The following MYOM3 variants were observed in gnomAD, a reference collection of about 807,000 sequenced individuals.
MYOM3 encodes the protein myomesin 3, also known as myomesin-3.
In MYOM3, 155 loss-of-function variants were observed where a neutral mutation model predicts 191.7. The observed-to-expected ratio is 0.81, with a 90% CI of 0.71 to 0.92. The LOEUF is 0.92. Ranked by LOEUF, MYOM3 falls within the 40% of genes least tolerant of loss-of-function variation. The pLI is 0.00. For synonymous variants in MYOM3, 757 were observed against 762.9 expected (o/e 0.99, Z 0.13); for missense variants, 1,889 against 1,890.6 (o/e 1.00, Z 0.02).
intron 35 of MYOM3, 134 bp downstream of exon 35, chr1:24,060,926 G>T: frequency 1.0e-5 from 10 of 967,600 alleles, no homozygotes; most frequent in Non-Finnish European, 1.4e-5. Flanking sequence ...CTTCCCTGCA[G>T]CTCTGTAAGA....
chr1:24,080,220 G>T, intron 19 of MYOM3, 26 bp from the exon 20 acceptor site: 1 of 1,580,852 alleles, frequency 6.3e-7, no homozygotes, highest in Non-Finnish European at 8.6e-7. Flanking sequence ...GATGGGAAGA[G>T]ATGTGTGAGT....
At chr1:24,084,927 C>A (rs1429908573) in intron 15 of MYOM3, among the ~76,000 whole-genome samples, 1 of 152,220 alleles carries the variant, frequency 6.6e-6, no homozygotes, top group Non-Finnish European at 1.5e-5. Context: ...TCAAAAGTCA[C>A]CAAATCTGAT....
intron 14 of MYOM3, 36 bp from the exon 15 acceptor site, chr1:24,086,863 T>C: frequency 6.2e-7 from 1 of 1,602,914 alleles, no homozygotes; most frequent in Non-Finnish European, 8.5e-7. Flanking sequence ...GGCTAACTGG[T>C]CGCCCAGACC....
rs761655665 is a variant in MYOM3 at position 24,082,052 on chromosome 1, C to T, written c.2229G>A (p.Glu743=). 1 of 1,612,420 alleles carries T rather than the reference C, an allele frequency of 6.2e-7. No homozygotes were observed. Among genetic ancestry groups the T allele is most frequent in the Non-Finnish European group, 8.5e-7 (1 of 1,179,906 alleles). ...GCTGATTGACCGCATGCCAGTCCAG[C>T]TCTTCCGAGTCATGCTGGTCCAGGA... The part of the protein sequence containing the change: ...GYFLDQHDSE[E]LDWHAVNQQP... Residue 743 remains glutamate, a synonymous_variant, in exon 18 of 37, where the codon GAG becomes GAA. Transcript: ENST00000374434.
At chr1:24,068,545 T>C (rs1000606847) in intron 25 of MYOM3, among the ~76,000 whole-genome samples, 178 bp from the exon 26 acceptor site, 2 of 151,896 alleles carry the variant, frequency 1.3e-5, no homozygotes, top group African/African-American at 4.8e-5. Flanking sequence ...CCGGGGTGCT[T>C]GAATAAGTTA....
At chr1:24,076,076 C>T in intron 21 of MYOM3, 83 bp downstream of exon 21, 1 of 1,090,272 alleles carries the variant, frequency 9.2e-7, no homozygotes, top group Non-Finnish European at 1.4e-6. Flanking sequence ...CAGCATCAGG[C>T]TTCTCCCAAC....
At chr1:24,097,710 C>T (rs1452375747) in intron 7 of MYOM3, among the ~76,000 whole-genome samples, 1 of 152,244 alleles carries the variant, frequency 6.6e-6, no homozygotes, top group South Asian at 2.1e-4. Context: ...ACTCACCTTC[C>T]ACCATCAGCC....
chr1:24,083,792 A>C (rs979422116), intron 16 of MYOM3: 7 of 152,582 alleles, frequency 4.6e-5, no homozygotes, highest in Non-Finnish European at 7.3e-5. Context: ...TTGTTGAAAA[A>C]GACCATCTGG....
intron 5 of MYOM3, 147 bp from the exon 6 acceptor site, chr1:24,099,922 C>T (rs183323757): frequency 3.2e-5 from 20 of 633,800 alleles, no homozygotes. Flanking sequence ...GGCTGGAGCG[C>T]AGTAGTACAA....
intron 29 of MYOM3, among the ~76,000 whole-genome samples, chr1:24,064,721 C>T (rs1643413640): frequency 6.6e-6 from 1 of 152,250 alleles, no homozygotes; most frequent in Non-Finnish European, 1.5e-5. Flanking sequence ...AGTGACCTCT[C>T]ATTACACAGC....
intron 4 of MYOM3, among the ~76,000 whole-genome samples, chr1:24,106,698 T>A (rs1019144967): frequency 1.1e-4 from 16 of 152,204 alleles, no homozygotes; most frequent in African/African-American, 3.9e-4. Context: ...TTCTCCTGCC[T>A]CAGCCTCCCG....
intron 7 of MYOM3, among the ~76,000 whole-genome samples, chr1:24,096,143 A>G (rs1643877453): frequency 6.6e-6 from 1 of 152,184 alleles, no homozygotes; most frequent in Non-Finnish European, 1.5e-5. Context: ...AAGCTATGAC[A>G]TGACACTGGT....
In MYOM3 at chr1:24,111,426, T is replaced by C. The variant is rs908602386; in HGVS notation, c.-19+605A>G. 2.6e-5 allele frequency among the ~76,000 whole-genome samples: 4 copies of C among 152,098 alleles called. No individual in the cohort carries two copies. In the South Asian group the frequency reaches 8.3e-4, roughly 32 times the overall value. ...AGAGACACATCCTGCGGGCGGCGGGTGGCACAGGCTGGGACGTGTTCTTAG... is the reference window on the plus strand; with the variant it reads ...AGAGACACATCCTGCGGGCGGCGGGCGGCACAGGCTGGGACGTGTTCTTAG... On this transcript the variant is annotated intron_variant, in intron 1 of 36. Coordinates refer to ENST00000374434, the MANE Select transcript of MYOM3 (RefSeq NM_152372.4). This position sits in a 1 kb window ranked among gnomAD's most constrained non-coding sequence, Gnocchi z 4.7.
rs759621205 is a variant in MYOM3 at position 24,061,273 on chromosome 1, T to C, written c.3971A>G (p.Lys1324Arg). 53 of 1,614,004 alleles carry C rather than the reference T, an allele frequency of 3.3e-5. No individual in the cohort carries two copies. The highest frequency in any genetic ancestry group is 3.9e-5 in the Non-Finnish European group (46 of 1,180,026). The change falls in exon 34 of 37, where the codon AAA (lysine) becomes AGA (arginine). Residue 1324 changes from lysine to arginine, a missense_variant and splice_region_variant. Physicochemically the swap from Lys to Arg is conservative, Grantham distance 26 (BLOSUM62 2). Coordinates refer to ENST00000374434, the MANE Select transcript of MYOM3 (RefSeq NM_152372.4). ...EDAMAEHQRL[K>R]TLAIIEKNRA... ...ACTGAGAAATGTAGAGGAAACTTAC[T>C]TCAGTCTCTGGTGTTCAGCCATTGC... is the stretch of plus-strand genomic sequence containing the variant.
intron 12 of MYOM3, among the ~76,000 whole-genome samples, chr1:24,090,429 C>T (rs115531747): frequency 0.032 from 4,866 of 152,294 alleles, 96 homozygotes; most frequent in Middle Eastern, 0.054. Flanking sequence ...GTCAGCGTGG[C>T]TCCCGAGGGC....
At chr1:24,108,675 G>A (rs754130518) in intron 1 of MYOM3, 21 bp from the exon 2 acceptor site, 32 of 1,505,066 alleles carry the variant, frequency 2.1e-5, no homozygotes, top group East Asian at 8.0e-5. Flanking sequence ...CAAGGTCCAC[G>A]GTCATTCCAC....
chr1:24,095,551 G>A, intron 7 of MYOM3, 65 bp from the exon 8 acceptor site: 1 of 1,455,272 alleles, frequency 6.9e-7, no homozygotes, highest in Non-Finnish European at 9.5e-7. Flanking sequence ...GCTATTTTGG[G>A]GACATGGGCT....
At chr1:24,106,935 G>T in intron 4 of MYOM3, 138 bp downstream of exon 4, 1 of 810,482 alleles carries the variant, frequency 1.2e-6, no homozygotes, top group Non-Finnish European at 1.9e-6. Flanking sequence ...CACACCACTG[G>T]AATGTAGGGG....
Position 24,090,885 on chromosome 1 carries a change from T to C in MYOM3, c.1344A>G (p.Arg448=). 1 of 1,614,096 alleles carries C rather than the reference T, an allele frequency of 6.2e-7. No individual in the cohort carries two copies. Among genetic ancestry groups the C allele is most frequent in the Non-Finnish European group, 8.5e-7 (1 of 1,179,990 alleles). ...VEGQSYRFRV[R]AISRVGSSVP... is the part of the protein sequence containing the mutation. ...CGCTGCTGCCTACCCTGCTGATGGC[T>C]CTCACCCGGAACCGATAGCTCTGAC... Residue 448 remains arginine, a synonymous_variant, in exon 12 of 37, where the codon AGA becomes AGG. Coordinates refer to ENST00000374434, the MANE Select transcript of MYOM3 (RefSeq NM_152372.4).
Sources: gnomAD v4.1 joint callset for allele counts (sites outside exome capture counted in the v4.1 genomes callset) on GRCh38, gnomAD v4.1.1 for gene constraint, Gnocchi (gnomAD v3.1) non-coding constraint, MANE v1.5 for transcripts, NCBI Gene and HGNC (gene_info 2026-07-23, HGNC 2026-07-21) for gene names.